Variants in PCDHA6 observed in about 807,000 individuals in gnomAD.
PCDHA6 encodes the protein protocadherin alpha-6.
A neutral mutation model predicts 60.3 loss-of-function variants in PCDHA6; 55 were observed. The observed-to-expected ratio is 0.91, with a 90% CI of 0.73 to 1.14. PCDHA6 has a LOEUF of 1.14. PCDHA6 is among the 50% of genes most tolerant of loss of function. The pLI is 0.00. For missense variants in PCDHA6, 1,327 were observed against 1,256.5 expected (o/e 1.06, Z -0.85); for synonymous variants, 652 against 557.9 (o/e 1.17, Z -2.38).
rs551967990 is a variant in PCDHA6 at position 140,858,294 on chromosome 5, C to G, written c.2394+27809C>G. ...AGCGCGGTGGGGAGCTGGTCTTACTCGCAGCAGAGGCGGCAGAGGGTGTGT... is the reference window on the plus strand; with the variant it reads ...AGCGCGGTGGGGAGCTGGTCTTACTGGCAGCAGAGGCGGCAGAGGGTGTGT... On this transcript the variant is annotated intron_variant, in intron 1 of 3. Transcript: ENST00000529310. 3 of 1,597,466 alleles carry G rather than the reference C, an allele frequency of 1.9e-6. No individual in the cohort carries two copies. The African/African-American group carries it at 4.0e-5, about 21-fold the overall frequency.
At chr5:140,896,871 TTTATGGG>T (rs1349052738) in intron 1 of PCDHA6, among the ~76,000 whole-genome samples, 1 of 152,200 alleles carries the variant, frequency 6.6e-6, no homozygotes, top group Non-Finnish European at 1.5e-5. Flanking sequence ...AGTGTACATA[TTTATGGG>T]GTATATGAGA....
intron 1 of PCDHA6, among the ~76,000 whole-genome samples, chr5:140,905,582 A>C (rs1281901890): frequency 1.3e-5 from 2 of 152,068 alleles, no homozygotes; most frequent in South Asian, 2.1e-4. Flanking sequence ...AATGATAATG[A>C]TATTTTGCTG....
chr5:140,946,634 A>ATATATATAT (rs1554217761), intron 1 of PCDHA6, among the ~76,000 whole-genome samples: 5 of 147,332 alleles, frequency 3.4e-5, no homozygotes, highest in African/African-American at 7.7e-5. Flanking sequence ...ATATATATAC[A>ATATATATAT]ATGGAATACT....
At chr5:140,883,623 C>T (rs782045250) in intron 1 of PCDHA6, 3 of 1,613,988 alleles carry the variant, frequency 1.9e-6, no homozygotes, top group East Asian at 4.5e-5. Context: ...AACGACAACG[C>T]GCCGGCGTTC....
chr5:140,973,782 C>T lies in PCDHA6; in HGVS notation c.2395-5167C>T, dbSNP rs533593200. ...CACAGCCTGGCATATTATAGGTTGCCTATTGGCATGCTGTCTACTTGACAG... is the reference window on the plus strand; with the variant it reads ...CACAGCCTGGCATATTATAGGTTGCTTATTGGCATGCTGTCTACTTGACAG... On this transcript the variant is annotated intron_variant, in intron 1 of 3. Transcript: ENST00000529310. 1.5e-3 allele frequency among the ~76,000 whole-genome samples: 225 copies of T among 152,326 alleles called. 1 individual carries two copies. Among genetic ancestry groups the T allele is most frequent in the African/African-American group, 5.2e-3 (216 of 41,582 alleles).
At chr5:140,876,697 C>T in intron 1 of PCDHA6, 2 of 1,614,226 alleles carry the variant, frequency 1.2e-6, no homozygotes, top group Middle Eastern at 1.6e-4. Context: ...CTCGTTGGTG[C>T]TGGACAGCGC....
chr5:140,853,847 G>T, intron 1 of PCDHA6: 1 of 986,430 alleles, frequency 1.0e-6, no homozygotes, highest in Non-Finnish European at 1.2e-6. Flanking sequence ...TAGATCCATA[G>T]CCCTATTTGA....
At chr5:140,835,731 G>C (rs1554135211) in intron 1 of PCDHA6, 20 of 1,613,790 alleles carry the variant, frequency 1.2e-5, no homozygotes, top group Admixed American at 3.3e-5. Flanking sequence ...CGACGTGAAC[G>C]ACAACGCCCC....
At position 140,865,331 on chromosome 5, in the gene PCDHA6, TAAAG is replaced by T. The variant is rs2048827631; in HGVS notation, c.2394+34850_2394+34853del. 4 of 152,230 alleles carry T rather than the reference TAAAG, an allele frequency of 2.6e-5. No homozygotes were observed. The South Asian group carries it at 8.3e-4, about 31-fold the overall frequency. The allele number at this position is 152,230 out of a possible 1,614,324, so 9.4% of individuals were successfully genotyped here. On this transcript the variant is annotated intron_variant, in intron 1 of 3. Transcript: ENST00000529310. ...AAATGAGATGGCCTTTAATTCTGTGTAAAGAAATAGTATATTTACATATTGCAGG... is the reference window on the plus strand; with the variant it reads ...AAATGAGATGGCCTTTAATTCTGTGTAAATAGTATATTTACATATTGCAGG...
At chr5:140,947,854 A>G (rs2094183959) in intron 1 of PCDHA6, among the ~76,000 whole-genome samples, 1 of 151,504 alleles carries the variant, frequency 6.6e-6, no homozygotes, top group Non-Finnish European at 1.5e-5. Context: ...TTATTTTGTC[A>G]TTATAATGGC....
Position 140,830,289 on chromosome 5 carries a change from C to T in PCDHA6, c.2198C>T (p.Thr733Met), listed in dbSNP as rs1554132712. 1.2e-6 allele frequency: 2 copies of T among 1,613,858 alleles called. No homozygotes were observed. Among genetic ancestry groups the T allele is most frequent in the Non-Finnish European group, 1.7e-6 (2 of 1,179,862 alleles). The change falls in exon 1 of 4, where the codon ACG becomes ATG. Residue 733 changes from threonine to methionine, a missense_variant. Physicochemically the swap from Thr to Met is moderately conservative, Grantham distance 81 (BLOSUM62 -1). Transcript: ENST00000529310. Reference protein sequence around the residue: ...CSAPPTEGACTADKPTLVCSS... With the variant: ...CSAPPTEGACMADKPTLVCSS... Reference sequence around the variant, plus strand: ...GCGCCACCCACCGAGGGCGCGTGCACGGCGGACAAGCCCACGCTGGTGTGC... The same window carrying T: ...GCGCCACCCACCGAGGGCGCGTGCATGGCGGACAAGCCCACGCTGGTGTGC...
At chr5:140,911,464 A>T (rs1300349898) in intron 1 of PCDHA6, among the ~76,000 whole-genome samples, 2 of 152,144 alleles carry the variant, frequency 1.3e-5, no homozygotes, top group African/African-American at 2.4e-5. Flanking sequence ...TCTACAGGAG[A>T]TAAGACTCTC....
At chr5:140,888,544 C>T (rs1295573540) in intron 1 of PCDHA6, among the ~76,000 whole-genome samples, 1 of 152,140 alleles carries the variant, frequency 6.6e-6, no homozygotes, top group Non-Finnish European at 1.5e-5. Flanking sequence ...TGCTCAGTAC[C>T]AATTTATTCC....
intron 1 of PCDHA6, among the ~76,000 whole-genome samples, chr5:140,922,015 A>G (rs1563050158): frequency 6.6e-6 from 1 of 152,098 alleles, no homozygotes; most frequent in Non-Finnish European, 1.5e-5. Context: ...AGTTTAAAAA[A>G]ATAAATATAA....
At chr5:140,883,628 G>A (rs903824034) in intron 1 of PCDHA6, 1 of 1,613,884 alleles carries the variant, frequency 6.2e-7, no homozygotes, top group Admixed American at 1.7e-5. Context: ...CAACGCGCCG[G>A]CGTTCGCGCA....
chr5:140,927,051 G>T, intron 1 of PCDHA6: 1 of 1,612,116 alleles, frequency 6.2e-7, no homozygotes, highest in South Asian at 1.1e-5. Flanking sequence ...TGTCCTCGCG[G>T]AACTTTCGCT....
intron 1 of PCDHA6, chr5:140,883,364 A>T (rs782725621): frequency 6.2e-7 from 1 of 1,614,168 alleles, no homozygotes; most frequent in African/African-American, 1.3e-5. Context: ...CACTCAGCCT[A>T]GCGCCATTAT....
At chr5:140,841,819 C>T (rs2150323482) in intron 1 of PCDHA6, 6 of 1,613,756 alleles carry the variant, frequency 3.7e-6, no homozygotes, top group South Asian at 2.2e-5. Context: ...GAGCTAACTC[C>T]GTGTTAACCT....
intron 1 of PCDHA6, among the ~76,000 whole-genome samples, chr5:140,957,475 A>G (rs2095362490): frequency 6.6e-6 from 1 of 152,192 alleles, no homozygotes; most frequent in Non-Finnish European, 1.5e-5. Flanking sequence ...ATGTATAGGA[A>G]AAAACATAGT....
Sources: gnomAD v4.1 joint callset for allele counts (sites outside exome capture counted in the v4.1 genomes callset) on GRCh38, gnomAD v4.1.1 for gene constraint, MANE v1.5 for transcripts, NCBI Gene and HGNC (gene_info 2026-07-23, HGNC 2026-07-21) for gene names.